The following PRKG1 variants were observed in gnomAD, a reference collection of about 807,000 sequenced individuals.
PRKG1 encodes protein kinase cGMP-dependent 1, also known as cGMP-dependent protein kinase 1.
Under a neutral mutation model 88.1 loss-of-function variants are expected in PRKG1, and 35 were observed. The ratio of observed to expected loss-of-function variants is 0.40; its 90% CI spans 0.30 to 0.53. The LOEUF is 0.53. Ranked by LOEUF, PRKG1 falls within the 20% of genes least tolerant of loss-of-function variation. PRKG1 has a pLI of 0.59. For synonymous variants in PRKG1, 303 were observed against 292.5 expected (o/e 1.04, Z -0.37); for missense variants, 540 against 839.8 (o/e 0.64, Z 4.41).
At chr10:51,348,715 A>G (rs575280252) in intron 2 of PRKG1, among the ~76,000 whole-genome samples, 1 of 152,324 alleles carries the variant, frequency 6.6e-6, no homozygotes, top group Admixed American at 6.5e-5. Flanking sequence ...TTCTTGCACT[A>G]ACATGTATCT....
chr10:52,203,571 T>G (rs1360693609), intron 9 of PRKG1, among the ~76,000 whole-genome samples: 1 of 152,180 alleles, frequency 6.6e-6, no homozygotes, highest in Non-Finnish European at 1.5e-5. Context: ...CCCGAATATC[T>G]TTGTTAGTTT....
At chr10:51,170,773 G>A (rs1233106067) in intron 2 of PRKG1, among the ~76,000 whole-genome samples, 2 of 112,826 alleles carry the variant, frequency 1.8e-5, no homozygotes, top group East Asian at 6.3e-4. Flanking sequence ...GTGGGGGGGT[G>A]GGGGAGTTGG....
At chr10:52,216,108 G>C (rs182786793) in intron 9 of PRKG1, among the ~76,000 whole-genome samples, 1 of 152,292 alleles carries the variant, frequency 6.6e-6, no homozygotes, top group Admixed American at 6.5e-5. Flanking sequence ...GCAGACTTGG[G>C]AGATTCTTCA....
intron 2 of PRKG1, among the ~76,000 whole-genome samples, chr10:51,354,266 A>C (rs1412986929): frequency 6.6e-6 from 1 of 152,110 alleles, no homozygotes; most frequent in Non-Finnish European, 1.5e-5. Context: ...GACTGTAGTC[A>C]ATAATAATTT....
chr10:51,782,211 A>G (rs565872796), intron 3 of PRKG1, among the ~76,000 whole-genome samples: 31 of 152,240 alleles, frequency 2.0e-4, no homozygotes, highest in African/African-American at 7.2e-4. Context: ...ACAAGGGTTC[A>G]ACTTATGATT....
intron 1 of PRKG1, among the ~76,000 whole-genome samples, chr10:51,106,377 G>A (rs965979797): frequency 7.9e-5 from 12 of 152,142 alleles, no homozygotes; most frequent in Non-Finnish European, 1.8e-4. Flanking sequence ...AGACACGATG[G>A]TTCAGCTAGA....
At chr10:51,618,832 A>G (rs953554003) in intron 3 of PRKG1, among the ~76,000 whole-genome samples, 10 of 151,878 alleles carry the variant, frequency 6.6e-5, no homozygotes, top group African/African-American at 2.4e-4. Context: ...GTAGTGGCAC[A>G]ATCTTGACTT....
intron 3 of PRKG1, among the ~76,000 whole-genome samples, chr10:51,524,299 A>G (rs1841819564): frequency 6.6e-6 from 1 of 152,174 alleles, no homozygotes; most frequent in African/African-American, 2.4e-5. Context: ...TATACAGGAA[A>G]CTGATCATCA....
chr10:51,508,113 A>G (rs1163202565), intron 3 of PRKG1, among the ~76,000 whole-genome samples: 1 of 152,170 alleles, frequency 6.6e-6, no homozygotes, highest in African/African-American at 2.4e-5. Flanking sequence ...TAAAATGCAG[A>G]TGACTTATAG....
chr10:51,156,303 A>G (rs1249049666), intron 2 of PRKG1, among the ~76,000 whole-genome samples: 1 of 151,396 alleles, frequency 6.6e-6, no homozygotes, highest in East Asian at 1.9e-4. Context: ...GCAAGCACAC[A>G]CACACACACA....
chr10:51,508,465 A>C (rs962109379), intron 3 of PRKG1, among the ~76,000 whole-genome samples: 2 of 152,170 alleles, frequency 1.3e-5, no homozygotes, highest in African/African-American at 4.8e-5. Flanking sequence ...GCATTCTATT[A>C]ATTTTAATGG....
intron 8 of PRKG1, among the ~76,000 whole-genome samples, chr10:52,157,313 ATATATATATATATATATATATATATG>A: frequency 2.3e-5 from 1 of 43,174 alleles, no homozygotes; most frequent in South Asian, 6.9e-4. Context: ...GTTGATATAT[ATATATATATATATATATATATATATG>A]TATATATATG....
intron 1 of PRKG1, among the ~76,000 whole-genome samples, chr10:51,077,771 G>T (rs1225951579): frequency 6.6e-6 from 1 of 152,162 alleles, no homozygotes; most frequent in African/African-American, 2.4e-5. Context: ...TTATGTGAAG[G>T]AAAGAACTGA....
chr10:51,132,179 C>T (rs1274340262), intron 1 of PRKG1, among the ~76,000 whole-genome samples: 4 of 152,116 alleles, frequency 2.6e-5, no homozygotes, highest in African/African-American at 9.7e-5. Context: ...TAATCAAGGA[C>T]AGACTCTCCA....
chr10:51,961,689 C>T (rs1164732189), intron 5 of PRKG1, among the ~76,000 whole-genome samples: 2 of 152,178 alleles, frequency 1.3e-5, no homozygotes, highest in African/African-American at 4.8e-5. Context: ...ATCCTCCCTC[C>T]CACAAGCTGT....
chr10:52,036,356 C>T lies in PRKG1; in HGVS notation c.763-18128C>T, dbSNP rs553697653. ...AGGCAAAACAATTTGGTTGATAAGG[C>T]GCAGATCCTGAACTAACTTGTAAGG... On this transcript the variant is annotated intron_variant, in intron 5 of 17. Coordinates refer to ENST00000373980, the MANE Select transcript of PRKG1 (RefSeq NM_006258.4). Among the ~76,000 whole-genome samples the T allele has an allele frequency of 9.2e-5, 14 of 151,774 alleles. 1 individual carries two copies. In the South Asian group the frequency reaches 1.5e-3, roughly 16 times the overall value.
chr10:51,994,258 G>C (rs1311887326), intron 5 of PRKG1, among the ~76,000 whole-genome samples: 1 of 152,120 alleles, frequency 6.6e-6, no homozygotes, highest in East Asian at 1.9e-4. Flanking sequence ...TTTTATGTTA[G>C]AGAGTGAGAA....
chr10:51,153,356 G>T, intron 2 of PRKG1, 26 bp downstream of exon 2: 1 of 1,555,434 alleles, frequency 6.4e-7, no homozygotes, highest in South Asian at 1.2e-5. Flanking sequence ...CCAATCCTCT[G>T]ACATTCAAAT....
chr10:52,049,889 C>G lies in PRKG1; in HGVS notation c.763-4595C>G, dbSNP rs138167083. On this transcript the variant is annotated intron_variant, in intron 5 of 17. Coordinates refer to ENST00000373980, the MANE Select transcript of PRKG1 (RefSeq NM_006258.4). ...GTGGTGAACAGAACTAGACACAGTT[C>G]TTGCTTTCAGAGGAGTTAAAATCTG... Among the ~76,000 whole-genome samples, 300 of 152,160 alleles carry G rather than the reference C, an allele frequency of 2.0e-3. 2 individuals are homozygous for G. The highest frequency in any genetic ancestry group is 3.2e-3 in the Non-Finnish European group (215 of 68,006).
Sources: gnomAD v4.1 joint callset for allele counts (sites outside exome capture counted in the v4.1 genomes callset) on GRCh38, gnomAD v4.1.1 for gene constraint, MANE v1.5 for transcripts, NCBI Gene and HGNC (gene_info 2026-07-23, HGNC 2026-07-21) for gene names.